Variants in CPNE4 observed in about 807,000 individuals in gnomAD.
CPNE4 encodes the protein copine 4, also known as copine-4.
Under a neutral mutation model 67.9 loss-of-function variants are expected in CPNE4, and 25 were observed. That is an observed-to-expected ratio of 0.37 (90% confidence interval 0.27 to 0.51). The LOEUF is 0.51. Among genes scored for constraint, CPNE4 ranks in the 20% least tolerant of loss-of-function variants. CPNE4 has a pLI of 0.93. For synonymous variants in CPNE4, 242 were observed against 244.9 expected (o/e 0.99, Z 0.11); for missense variants, 464 against 690.8 (o/e 0.67, Z 3.68).
Position 131,743,441 on chromosome 3 carries a change from T to A in CPNE4, c.181-19816A>T, listed in dbSNP as rs150010099. On this transcript the variant is annotated intron_variant, in intron 2 of 15. Coordinates refer to ENST00000429747, the MANE Select transcript of CPNE4 (RefSeq NM_130808.3). ...TTTCATGGTACAAGCATAAATTTAATACCAAAACCCAAAAAAGTAGAAAAA... is the reference window on the plus strand; with the variant it reads ...TTTCATGGTACAAGCATAAATTTAAAACCAAAACCCAAAAAAGTAGAAAAA... 3.3e-5 allele frequency among the ~76,000 whole-genome samples: 5 copies of A among 152,258 alleles called. No homozygotes were observed. The East Asian group carries it at 9.7e-4, about 29-fold the overall frequency.
At chr3:131,941,337 T>C (rs563037613) in intron 1 of CPNE4, among the ~76,000 whole-genome samples, 259 of 152,198 alleles carry the variant, frequency 1.7e-3, no homozygotes, top group Non-Finnish European at 3.1e-3. Flanking sequence ...ATATATGTAG[T>C]AAGGAAAGAA....
chr3:131,660,805 A>G (rs896847082), intron 7 of CPNE4, among the ~76,000 whole-genome samples: 2 of 152,206 alleles, frequency 1.3e-5, no homozygotes, highest in Admixed American at 6.5e-5. Flanking sequence ...TAGGCATCCT[A>G]CTAGGCCACA....
chr3:132,015,071 T>A (rs999045991), intron 1 of CPNE4, among the ~76,000 whole-genome samples: 3 of 152,324 alleles, frequency 2.0e-5, no homozygotes, highest in Non-Finnish European at 2.9e-5. Context: ...GCCTAACATA[T>A]TTTTATAATA....
At chr3:131,952,477 GGTC>G (rs2071777685) in intron 1 of CPNE4, among the ~76,000 whole-genome samples, 6 of 98,406 alleles carry the variant, frequency 6.1e-5, no homozygotes, top group Non-Finnish European at 1.6e-4. Flanking sequence ...GAGGTGGGGG[GGTC>G]AGCGCCCCGC....
chr3:131,914,053 T>C (rs973343066), intron 1 of CPNE4, among the ~76,000 whole-genome samples: 12 of 152,196 alleles, frequency 7.9e-5, no homozygotes, highest in African/African-American at 2.9e-4. Context: ...CATTTAACAA[T>C]AGGTCATCAG....
chr3:131,881,226 A>AGT (rs2087661856), intron 2 of CPNE4, among the ~76,000 whole-genome samples: 1 of 152,210 alleles, frequency 6.6e-6, no homozygotes, highest in South Asian at 2.1e-4. Flanking sequence ...GGTTAAAATG[A>AGT]GTGATTGCTG....
chr3:131,537,161 T>C (rs1375079915), intron 15 of CPNE4, among the ~76,000 whole-genome samples: 1 of 151,552 alleles, frequency 6.6e-6, no homozygotes, highest in African/African-American at 2.4e-5. Context: ...TTTTTTTAAG[T>C]ACAGGAGTAG....
intron 1 of CPNE4, among the ~76,000 whole-genome samples, chr3:131,909,134 A>G (rs2088881767): frequency 1.3e-5 from 2 of 152,114 alleles, no homozygotes; most frequent in South Asian, 4.1e-4. Context: ...AAGAGCACAC[A>G]CTCATCTTTT....
chr3:131,554,838 G>C (rs1160994456), intron 12 of CPNE4, among the ~76,000 whole-genome samples: 1 of 152,044 alleles, frequency 6.6e-6, no homozygotes, highest in African/African-American at 2.4e-5. Flanking sequence ...TGTCCACCTA[G>C]TGGGCACGAG....
intron 2 of CPNE4, among the ~76,000 whole-genome samples, chr3:131,864,659 C>A (rs1213776497): frequency 6.6e-6 from 1 of 152,000 alleles, no homozygotes; most frequent in Non-Finnish European, 1.5e-5. Flanking sequence ...CAAACAGGGA[C>A]AATTTGACTT....
intron 2 of CPNE4, among the ~76,000 whole-genome samples, chr3:131,780,173 A>G (rs894754216): frequency 7.9e-5 from 12 of 152,274 alleles, no homozygotes; most frequent in African/African-American, 2.9e-4. Flanking sequence ...TAAAAAGTCA[A>G]AAAATAACAG....
At chr3:131,776,516 T>A (rs112044723) in intron 2 of CPNE4, among the ~76,000 whole-genome samples, 1 of 152,114 alleles carries the variant, frequency 6.6e-6, no homozygotes, top group African/African-American at 2.4e-5. Flanking sequence ...CCACAAGGGA[T>A]AAGAAGAGAG....
intron 11 of CPNE4, among the ~76,000 whole-genome samples, chr3:131,558,538 TA>T (rs201391003): frequency 1.7e-4 from 25 of 151,008 alleles, no homozygotes; most frequent in East Asian, 5.9e-4. Context: ...TAAAATACAA[TA>T]AAAAAAAACC....
At chr3:131,577,387 C>T (rs772391551) in intron 9 of CPNE4, among the ~76,000 whole-genome samples, 29 of 152,138 alleles carry the variant, frequency 1.9e-4, no homozygotes, top group Non-Finnish European at 3.4e-4. Context: ...TTTATCATTG[C>T]GTGAACATCA....
At position 131,766,984 on chromosome 3, in the gene CPNE4, G is replaced by C. The variant is rs112593865; in HGVS notation, c.181-43359C>G. On this transcript the variant is annotated intron_variant, in intron 2 of 15. Transcript: ENST00000429747. ...CTAACATTGGGATGGAGACAGGAAA[G>C]GAATAGAAAAAACGAAAACAGTTAG... Among the ~76,000 whole-genome samples, 179 of 152,244 alleles carry C rather than the reference G, an allele frequency of 1.2e-3. 1 individual carries two copies. Among genetic ancestry groups the C allele is most frequent in the African/African-American group, 4.2e-3 (173 of 41,554 alleles).
chr3:131,882,925 G>C (rs2087736794), intron 2 of CPNE4, among the ~76,000 whole-genome samples: 4 of 151,998 alleles, frequency 2.6e-5, no homozygotes, highest in African/African-American at 9.7e-5. Flanking sequence ...CACCATGTTA[G>C]CCAGGATGGT....
chr3:131,593,739 G>A (rs908891887), intron 7 of CPNE4, among the ~76,000 whole-genome samples: 1 of 151,996 alleles, frequency 6.6e-6, no homozygotes, highest in African/African-American at 2.4e-5. Context: ...TTTTGATGGA[G>A]TCCTGCTCTT....
At chr3:131,671,836 T>C (rs149863557) in intron 6 of CPNE4, among the ~76,000 whole-genome samples, 199 of 152,274 alleles carry the variant, frequency 1.3e-3, no homozygotes, top group African/African-American at 4.4e-3. Flanking sequence ...TTATACTGTT[T>C]TGGTTATTAT....
chr3:131,824,578 GGTC>G (rs2085083076), intron 2 of CPNE4, among the ~76,000 whole-genome samples: 1 of 152,074 alleles, frequency 6.6e-6, no homozygotes, highest in Non-Finnish European at 1.5e-5. Flanking sequence ...AATGTTTCTG[GGTC>G]TCAGTTTTAT....
Sources: gnomAD v4.1 joint callset for allele counts (sites outside exome capture counted in the v4.1 genomes callset) on GRCh38, gnomAD v4.1.1 for gene constraint, MANE v1.5 for transcripts, NCBI Gene and HGNC (gene_info 2026-07-23, HGNC 2026-07-21) for gene names.